The following DRC8 variants were observed in gnomAD, a reference collection of about 807,000 sequenced individuals.
DRC8 encodes dynein regulatory complex subunit 8, also known as dynein regulatory complex protein 8.
the DRC8 span, among the ~76,000 whole-genome samples, chr1:245,121,331 G>A: frequency 2.0e-5 from 3 of 152,198 alleles, no homozygotes; most frequent in South Asian, 6.2e-4. Flanking sequence ...ATATGTAACG[G>A]AAGAGTCCAA....
chr1:244,980,218 C>CAAAAAAAAA, the DRC8 span, among the ~76,000 whole-genome samples: 471 of 64,892 alleles, frequency 7.3e-3, 9 homozygotes, highest in African/African-American at 0.029. Flanking sequence ...GACTCCGTCT[C>CAAAAAAAAA]AAAAAAAAAA....
chr1:245,073,678 C>A, the DRC8 span, among the ~76,000 whole-genome samples: 5 of 152,052 alleles, frequency 3.3e-5, no homozygotes, highest in African/African-American at 1.2e-4. Context: ...CGCTAGAATT[C>A]TATTTCTTGC....
At chr1:245,098,818 T>C in the DRC8 span, among the ~76,000 whole-genome samples, 2 of 152,220 alleles carry the variant, frequency 1.3e-5, no homozygotes, top group Non-Finnish European at 2.9e-5. Flanking sequence ...CGGGCCTGAC[T>C]GCCATTGTTC....
the DRC8 span, among the ~76,000 whole-genome samples, chr1:244,982,420 T>C: frequency 6.6e-6 from 1 of 152,212 alleles, no homozygotes; most frequent in Non-Finnish European, 1.5e-5. Context: ...ATCCCAGCAC[T>C]TTGGGAGGCC....
the DRC8 span, among the ~76,000 whole-genome samples, chr1:244,980,218 CAAA>C: frequency 7.7e-5 from 5 of 64,972 alleles, no homozygotes; most frequent in Admixed American, 1.7e-4. Context: ...GACTCCGTCT[CAAA>C]AAAAAAAAAA....
the DRC8 span, among the ~76,000 whole-genome samples, chr1:245,017,752 C>G: frequency 6.6e-6 from 1 of 152,038 alleles, no homozygotes; most frequent in East Asian, 1.9e-4. Context: ...ACACACTCCC[C>G]CTGTAAAATA....
chr1:244,983,739 CAA>C, the DRC8 span, among the ~76,000 whole-genome samples: 26 of 100,982 alleles, frequency 2.6e-4, no homozygotes, highest in East Asian at 5.8e-4. Flanking sequence ...GACTCTGTCT[CAA>C]AAAAAAAAAA....
chr1:245,116,198 A>G, the DRC8 span, among the ~76,000 whole-genome samples: 1 of 151,830 alleles, frequency 6.6e-6, no homozygotes, highest in Non-Finnish European at 1.5e-5. Flanking sequence ...TAAAGATCCT[A>G]TCTGTACCAG....
At chr1:245,105,657 A>T in the DRC8 span, among the ~76,000 whole-genome samples, 2 of 151,832 alleles carry the variant, frequency 1.3e-5, no homozygotes, top group Non-Finnish European at 2.9e-5. Flanking sequence ...AAAAACAAAA[A>T]CCCAAGATAA....
the DRC8 span, among the ~76,000 whole-genome samples, chr1:244,979,320 T>TTTTTTC: frequency 1.0e-5 from 1 of 98,786 alleles, no homozygotes; most frequent in African/African-American, 3.0e-5. Context: ...TTTTTTTTTT[T>TTTTTTC]TTGAGACGTA....
the DRC8 span, among the ~76,000 whole-genome samples, chr1:245,110,941 T>C: frequency 7.9e-5 from 12 of 152,280 alleles, no homozygotes; most frequent in African/African-American, 2.9e-4. Flanking sequence ...AAGCTCCTTT[T>C]TGGGAAGAAA....
the DRC8 span, among the ~76,000 whole-genome samples, chr1:245,013,402 C>T: frequency 1.3e-5 from 2 of 152,100 alleles, no homozygotes; most frequent in African/African-American, 4.8e-5. Context: ...GTGGCAGTGT[C>T]GTAACCAGAG....
the DRC8 span, among the ~76,000 whole-genome samples, chr1:245,114,533 C>T: frequency 1.3e-5 from 2 of 152,084 alleles, no homozygotes; most frequent in African/African-American, 4.8e-5. Context: ...CATGGGGACA[C>T]CACCATGCAA....
the DRC8 span, among the ~76,000 whole-genome samples, chr1:245,028,355 A>T: frequency 1.3e-5 from 2 of 152,236 alleles, no homozygotes; most frequent in Non-Finnish European, 2.9e-5. Flanking sequence ...TTGTAATATG[A>T]TGCTGCTGTA....
chr1:245,120,968 G>A, the DRC8 span, among the ~76,000 whole-genome samples: 3 of 152,228 alleles, frequency 2.0e-5, no homozygotes, highest in Non-Finnish European at 4.4e-5. Flanking sequence ...ATGGTGTTAA[G>A]CCAGGTTCAT....
chr1:244,996,529 C>T, the DRC8 span, among the ~76,000 whole-genome samples: 2 of 152,060 alleles, frequency 1.3e-5, no homozygotes, highest in Non-Finnish European at 2.9e-5. Flanking sequence ...CTACTGGGCA[C>T]GAGTGCCTAC....
chr1:245,069,671 G>C, the DRC8 span, among the ~76,000 whole-genome samples: 74,881 of 152,054 alleles, frequency 0.49, 19,093 homozygotes, highest in East Asian at 0.69. Flanking sequence ...TTTCAGTTTT[G>C]CAAGATGAAG....
At chr1:245,039,609 C>T in the DRC8 span, among the ~76,000 whole-genome samples, 2 of 152,132 alleles carry the variant, frequency 1.3e-5, no homozygotes, top group African/African-American at 4.8e-5. Context: ...GGAGTTTCAC[C>T]AATTTCCCAC....
At chr1:245,002,063 C>T in the DRC8 span, 351 of 1,378,262 alleles carry the variant, frequency 2.5e-4, 1 homozygote, top group African/African-American at 4.5e-3. Context: ...CACGTAATCA[C>T]TCATATGACA....
Sources: allele counts gnomAD v4.1 joint callset (sites outside exome capture counted in the v4.1 genomes callset), GRCh38; gene constraint gnomAD v4.1.1; transcripts MANE v1.5; gene names NCBI Gene and HGNC (gene_info 2026-07-23, HGNC 2026-07-21).